CTNNA3: variants seen among roughly 807,000 people sequenced by gnomAD.
CTNNA3 encodes the protein catenin alpha 3.
CTNNA3 carries 76 observed loss-of-function variants against 95.7 expected under a neutral mutation model. The ratio of observed to expected loss-of-function variants is 0.79; its 90% confidence interval spans 0.66 to 0.96. The LOEUF (loss-of-function observed/expected upper bound fraction) is 0.96. CTNNA3 is among the 40% of genes least tolerant of loss of function. The pLI is 0.00. For synonymous variants in CTNNA3, 431 were observed against 374.4 expected (o/e 1.15, Z -1.74); for missense variants, 1,191 against 1,089.8 (o/e 1.09, Z -1.31).
chr10:66,481,386 AC>A (rs1839519577), intron 11 of CTNNA3, among the ~76,000 whole-genome samples: 1 of 151,770 alleles, frequency 6.6e-6, no homozygotes, highest in African/African-American at 2.4e-5. Context: ...ACAAATACTT[AC>A]TAATTATTAT....
At position 66,999,419 on chromosome 10, in the gene CTNNA3, A is replaced by C. The variant is rs1851553461; in HGVS notation, c.1047+180898T>G. On this transcript the variant is annotated intron_variant, in intron 7 of 17. Coordinates refer to ENST00000433211, the MANE Select transcript of CTNNA3 (RefSeq NM_013266.4). ...AAGGATAGGTAAGCATCTAATAATT[A>C]AATTAAGATCATCAATTTGTATTAC... Among the ~76,000 whole-genome samples the C allele has an allele frequency of 1.3e-5, 2 of 152,180 alleles. 1 individual carries two copies. Among genetic ancestry groups the C allele is most frequent in the South Asian group, 4.1e-4 (2 of 4,832 alleles).
chr10:66,425,597 C>G (rs948613720), intron 11 of CTNNA3, among the ~76,000 whole-genome samples: 4 of 151,868 alleles, frequency 2.6e-5, no homozygotes, highest in Admixed American at 6.6e-5. Context: ...CTTCCTTCTC[C>G]CAAGTTCTTT....
At chr10:66,534,958 ATTC>A (rs553946526) in intron 10 of CTNNA3, among the ~76,000 whole-genome samples, 105 of 152,268 alleles carry the variant, frequency 6.9e-4, no homozygotes, top group Non-Finnish European at 1.3e-3. Context: ...CTATTGGAGA[ATTC>A]TTCTTGGCCT....
intron 7 of CTNNA3, among the ~76,000 whole-genome samples, chr10:67,002,769 T>C (rs1851758997): frequency 6.6e-6 from 1 of 152,108 alleles, no homozygotes; most frequent in South Asian, 2.1e-4. Flanking sequence ...CCATATTTCA[T>C]ATATAATTGC....
chr10:67,298,554 G>A (rs1308009905), intron 5 of CTNNA3, among the ~76,000 whole-genome samples: 7 of 152,106 alleles, frequency 4.6e-5, no homozygotes, highest in African/African-American at 1.2e-4. Flanking sequence ...TTAGCATAAC[G>A]CTAACAATTT....
At chr10:66,261,505 T>C (rs2091000116) in intron 13 of CTNNA3, among the ~76,000 whole-genome samples, 2 of 152,122 alleles carry the variant, frequency 1.3e-5, no homozygotes, top group Non-Finnish European at 2.9e-5. Flanking sequence ...TTAATTAATA[T>C]AACGTGTTTT....
intron 5 of CTNNA3, among the ~76,000 whole-genome samples, chr10:67,330,499 A>G (rs1184932128): frequency 6.6e-6 from 1 of 152,206 alleles, no homozygotes; most frequent in African/African-American, 2.4e-5. Context: ...TAAGCGCAGC[A>G]TATATTACTA....
At chr10:67,064,853 G>A (rs2133231896) in intron 7 of CTNNA3, among the ~76,000 whole-genome samples, 1 of 152,236 alleles carries the variant, frequency 6.6e-6, no homozygotes, top group South Asian at 2.1e-4. Flanking sequence ...GAATTCTCTA[G>A]GAAATTTATA....
intron 11 of CTNNA3, among the ~76,000 whole-genome samples, chr10:66,434,799 AT>A (rs2093325255): frequency 6.6e-6 from 1 of 152,070 alleles, no homozygotes; most frequent in African/African-American, 2.4e-5. Flanking sequence ...TATAGCTCTT[AT>A]TATTTTGAGA....
chr10:66,710,048 T>C (rs927891347), intron 9 of CTNNA3, among the ~76,000 whole-genome samples: 1 of 152,196 alleles, frequency 6.6e-6, no homozygotes, highest in African/African-American at 2.4e-5. Flanking sequence ...AGGCCAATTG[T>C]AGCGACATAG....
chr10:66,182,437 A>G (rs1244098301), intron 13 of CTNNA3, among the ~76,000 whole-genome samples: 2 of 152,080 alleles, frequency 1.3e-5, no homozygotes, highest in East Asian at 1.9e-4. Flanking sequence ...TAATATTTTT[A>G]GTAGAGACGG....
intron 9 of CTNNA3, among the ~76,000 whole-genome samples, chr10:66,764,346 A>AG (rs1564667052): frequency 6.6e-6 from 1 of 152,192 alleles, no homozygotes; most frequent in African/African-American, 2.4e-5. Context: ...AGCATTCCCA[A>AG]GTGTTCCTCG....
At chr10:66,036,442 C>T (rs1427085888) in intron 15 of CTNNA3, among the ~76,000 whole-genome samples, 4 of 152,122 alleles carry the variant, frequency 2.6e-5, no homozygotes, top group Admixed American at 6.5e-5. Context: ...GGTGCAATCT[C>T]GGCTCACTGC....
At position 67,235,691 on chromosome 10, in the gene CTNNA3, G is replaced by T. The variant is rs918394005; in HGVS notation, c.580-15821C>A. Among the ~76,000 whole-genome samples the T allele has an allele frequency of 3.3e-4, 47 of 142,952 alleles. 3 individuals are homozygous for T. The highest frequency in any genetic ancestry group is 1.3e-3 in the African/African-American group (47 of 37,034). The allele number at this position is 142,952 out of a possible 152,430, so 93.8% of individuals were successfully genotyped here. ...GATCTAATTAAACTAAAGAGCTTCTGCACAGCAAAAGAAACTACCATCAGA... is the reference window on the plus strand; with the variant it reads ...GATCTAATTAAACTAAAGAGCTTCTTCACAGCAAAAGAAACTACCATCAGA... On this transcript the variant is annotated intron_variant, in intron 5 of 17. Transcript: ENST00000433211.
intron 7 of CTNNA3, among the ~76,000 whole-genome samples, chr10:66,934,462 C>T (rs946122459): frequency 1.3e-5 from 2 of 152,114 alleles, no homozygotes; most frequent in Admixed American, 6.6e-5. Flanking sequence ...AAAAGTTACA[C>T]ACTTGCATTA....
intron 6 of CTNNA3, among the ~76,000 whole-genome samples, chr10:67,209,699 A>T (rs1864060716): frequency 6.6e-6 from 1 of 152,154 alleles, no homozygotes; most frequent in African/African-American, 2.4e-5. Context: ...AAAGGATGAC[A>T]AAAATAAACA....
At chr10:67,448,056 T>C (rs766018419) in intron 5 of CTNNA3, among the ~76,000 whole-genome samples, 12 of 152,218 alleles carry the variant, frequency 7.9e-5, no homozygotes, top group Non-Finnish European at 1.5e-4. Context: ...CAAGAATTTA[T>C]GATAGCTGAG....
intron 14 of CTNNA3, among the ~76,000 whole-genome samples, chr10:66,072,443 TTTTTG>T (rs10674853): frequency 6.6e-6 from 1 of 150,924 alleles, no homozygotes; most frequent in African/African-American, 2.4e-5. Flanking sequence ...CATTTTCTTG[TTTTTG>T]TTTTGTTTTG....
intron 9 of CTNNA3, among the ~76,000 whole-genome samples, chr10:66,682,747 C>T (rs1847113213): frequency 2.7e-5 from 4 of 150,864 alleles, no homozygotes; most frequent in Admixed American, 2.6e-4. Flanking sequence ...ATGGTGAAGC[C>T]CTTTCAATAA....
Sources: gnomAD v4.1 joint callset for allele counts (sites outside exome capture counted in the v4.1 genomes callset) on GRCh38, gnomAD v4.1.1 for gene constraint, MANE v1.5 for transcripts, NCBI Gene and HGNC (gene_info 2026-07-23, HGNC 2026-07-21) for gene names.